TRAPPC9: variants seen among roughly 807,000 people sequenced by gnomAD.
The protein encoded by TRAPPC9 is trafficking protein particle complex subunit 9.
TRAPPC9 carries 83 observed loss-of-function variants against 124.0 expected under a neutral mutation model. That is an observed-to-expected ratio of 0.67 (90% CI 0.56 to 0.80). The LOEUF is 0.80. TRAPPC9 is among the 30% of genes least tolerant of loss of function. TRAPPC9 has a pLI of 0.00. For synonymous variants in TRAPPC9, 638 were observed against 617.5 expected, an observed-to-expected ratio of 1.03 and a Z score of -0.49; for missense variants, 1,302 against 1,508.3, an observed-to-expected ratio of 0.86 and a Z score of 2.27.
intron 17 of TRAPPC9, among the ~76,000 whole-genome samples, chr8:140,071,021 G>A (rs1470221725): frequency 6.6e-6 from 1 of 152,230 alleles, no homozygotes; most frequent in Non-Finnish European, 1.5e-5. Flanking sequence ...TAGTGCGTGC[G>A]ATCGTTCTAG....
At chr8:139,927,701 A>C (rs1238180053) in intron 19 of TRAPPC9, among the ~76,000 whole-genome samples, 2 of 152,244 alleles carry the variant, frequency 1.3e-5, no homozygotes, top group African/African-American at 4.8e-5. Flanking sequence ...AAGTAGAAAC[A>C]ACCCAAATGC....
chr8:140,050,156 C>A (rs1841896515), intron 17 of TRAPPC9, among the ~76,000 whole-genome samples: 1 of 152,206 alleles, frequency 6.6e-6, no homozygotes, highest in Non-Finnish European at 1.5e-5. Context: ...GAGGATTCGG[C>A]AATGGAGGCC....
chr8:139,733,932 C>T (rs1817995888), intron 21 of TRAPPC9, among the ~76,000 whole-genome samples: 1 of 152,218 alleles, frequency 6.6e-6, no homozygotes, highest in Non-Finnish European at 1.5e-5. Flanking sequence ...GAGCAGGCAA[C>T]TTCAGGTGTG....
At chr8:140,286,688 T>G (rs2131732257) in intron 13 of TRAPPC9, among the ~76,000 whole-genome samples, 1 of 151,948 alleles carries the variant, frequency 6.6e-6, no homozygotes, top group South Asian at 2.1e-4. Flanking sequence ...GGGGCAGTTT[T>G]GGGGAGGCGA....
intron 18 of TRAPPC9, among the ~76,000 whole-genome samples, chr8:140,019,707 G>A (rs1274243449): frequency 4.0e-5 from 6 of 151,608 alleles, no homozygotes; most frequent in South Asian, 2.1e-4. Flanking sequence ...CATGCACCAC[G>A]TGCCCAGCTA....
intron 17 of TRAPPC9, among the ~76,000 whole-genome samples, chr8:140,214,197 T>A (rs1457573971): frequency 1.3e-5 from 2 of 152,242 alleles, no homozygotes; most frequent in Admixed American, 6.5e-5. Flanking sequence ...GGGCTCTCAA[T>A]GGAGCCCCTG....
chr8:139,905,423 C>T (rs997594633), intron 20 of TRAPPC9, among the ~76,000 whole-genome samples: 4 of 152,182 alleles, frequency 2.6e-5, no homozygotes, highest in African/African-American at 7.2e-5. Context: ...TCCAACCTGG[C>T]GTGTGCGTGA....
chr8:139,903,757 T>G (rs1331708119), intron 20 of TRAPPC9, among the ~76,000 whole-genome samples: 1 of 152,174 alleles, frequency 6.6e-6, no homozygotes, highest in African/African-American at 2.4e-5. Context: ...CAAACCATTT[T>G]AGGCTGGGCA....
At chr8:139,763,457 C>T (rs1250643939) in intron 21 of TRAPPC9, among the ~76,000 whole-genome samples, 1 of 151,042 alleles carries the variant, frequency 6.6e-6, no homozygotes, top group Admixed American at 6.6e-5. Context: ...TCCCCTCCCT[C>T]CCTCCCTCCT....
At chr8:139,737,671 G>C (rs963737976) in intron 21 of TRAPPC9, among the ~76,000 whole-genome samples, 30 of 152,188 alleles carry the variant, frequency 2.0e-4, no homozygotes, top group African/African-American at 7.2e-4. Flanking sequence ...GCTGCTTGTC[G>C]AGGAGCTGTT....
intron 7 of TRAPPC9, among the ~76,000 whole-genome samples, chr8:140,389,466 G>A (rs1433131983): frequency 6.6e-6 from 1 of 152,242 alleles, no homozygotes; most frequent in Non-Finnish European, 1.5e-5. Context: ...CGGCCACTCA[G>A]GCGAGTGGTG....
At chr8:140,447,962 T>C (rs2071326982) in intron 2 of TRAPPC9, among the ~76,000 whole-genome samples, 1 of 151,966 alleles carries the variant, frequency 6.6e-6, no homozygotes, top group Non-Finnish European at 1.5e-5. Context: ...CTGGCCAACA[T>C]GGTGAAACCC....
intron 5 of TRAPPC9, among the ~76,000 whole-genome samples, chr8:140,407,168 C>T (rs2069524821): frequency 6.6e-6 from 1 of 152,172 alleles, no homozygotes; most frequent in South Asian, 2.1e-4. Flanking sequence ...AGACAAGATC[C>T]TACAGAGATT....
intron 21 of TRAPPC9, among the ~76,000 whole-genome samples, chr8:139,758,566 G>A (rs11786930): frequency 0.048 from 7,378 of 152,258 alleles, 224 homozygotes; most frequent in South Asian, 0.12. Context: ...GAGGCAAACG[G>A]GGTACGAGGG....
At chr8:139,833,122 A>G (rs374038195) in intron 21 of TRAPPC9, among the ~76,000 whole-genome samples, 1 of 152,188 alleles carries the variant, frequency 6.6e-6, no homozygotes, top group African/African-American at 2.4e-5. Context: ...CCTCGGTCCT[A>G]CAGCCACAAG....
At chr8:140,428,011 C>G (rs549596377) in intron 4 of TRAPPC9, among the ~76,000 whole-genome samples, 1 of 152,130 alleles carries the variant, frequency 6.6e-6, no homozygotes, top group Non-Finnish European at 1.5e-5. Flanking sequence ...CCAAGGGAAG[C>G]CCCACCGCCA....
chr8:139,876,941 G>C (rs983477229), intron 21 of TRAPPC9, among the ~76,000 whole-genome samples: 1 of 152,250 alleles, frequency 6.6e-6, no homozygotes, highest in African/African-American at 2.4e-5. Context: ...AGATAAGGCA[G>C]AGGACTGTCT....
chr8:140,253,034 A>G, intron 15 of TRAPPC9, 105 bp from the exon 16 acceptor site: 1 of 1,163,698 alleles, frequency 8.6e-7, no homozygotes, highest in Non-Finnish European at 1.2e-6. Flanking sequence ...CCAAGGAAAA[A>G]GAAGAGCTTT....
chr8:139,850,495 C>T (rs1827374432), intron 21 of TRAPPC9, among the ~76,000 whole-genome samples: 1 of 152,322 alleles, frequency 6.6e-6, no homozygotes, highest in Non-Finnish European at 1.5e-5. Context: ...CCTGTGACAA[C>T]ACTGTAATCA....
Sources: allele counts gnomAD v4.1 joint callset (sites outside exome capture counted in the v4.1 genomes callset), GRCh38; gene constraint gnomAD v4.1.1; transcripts MANE v1.5; gene names NCBI Gene and HGNC (gene_info 2026-07-23, HGNC 2026-07-21).